Variants in LLGL2 observed in about 807,000 individuals in gnomAD.
LLGL2 encodes the protein LLGL scribble cell polarity complex component 2, also known as LLGL2, scribble cell polarity complex component.
LLGL2 carries 81 observed loss-of-function variants against 123.2 expected under a neutral mutation model. The ratio of observed to expected loss-of-function variants is 0.66; its 90% CI spans 0.55 to 0.79. LLGL2 has a LOEUF of 0.79. LLGL2 is among the 30% of genes least tolerant of loss of function. LLGL2 has a pLI of 0.00. For synonymous variants in LLGL2, 577 were observed against 594.1 expected, an observed-to-expected ratio of 0.97 and a Z score of 0.42; for missense variants, 1,273 against 1,414.6, an observed-to-expected ratio of 0.90 and a Z score of 1.61.
In LLGL2 at chr17:75,568,667, C is replaced by T. The variant is rs780363548; in HGVS notation, c.1228C>T (p.Arg410Trp). ...GGAGCGGATCATTGCCGCCGGCAGC[C>T]GGCAGAACGCACACTTCTCCACCAT... ...LWERIIAAGS[R>W]QNAHFSTMEW... The change falls in exon 11 of 26, where the codon CGG becomes TGG. Residue 410 changes from arginine (R) to tryptophan (W), a missense_variant. Transcript: ENST00000392550. The T allele has an allele frequency of 3.0e-5, 48 of 1,613,766 alleles. No individual in the cohort carries two copies. The highest frequency in any genetic ancestry group is 1.8e-4 in the South Asian group (16 of 91,090).
At chr17:75,574,394 G>A in intron 23 of LLGL2, 59 bp from the exon 24 acceptor site, 5 of 1,544,076 alleles carry the variant, frequency 3.2e-6, no homozygotes, top group Non-Finnish European at 4.4e-6. Flanking sequence ...GGGGGTGGAA[G>A]GGCTGTGGCT....
In LLGL2 at chr17:75,563,356, G is replaced by A. The variant is rs1422767452; in HGVS notation, c.719G>A (p.Arg240Gln). 5.0e-6 allele frequency: 8 copies of A among 1,612,660 alleles called. No individual in the cohort carries two copies. The highest frequency in any genetic ancestry group is 1.6e-4 in the Middle Eastern group (1 of 6,078). Residue 240 changes from arginine to glutamine, a missense_variant, in exon 8 of 26, where the codon CGG becomes CAG. Physicochemically the swap from Arg to Gln is conservative, Grantham distance 43 (BLOSUM62 1). Coordinates refer to ENST00000392550, the MANE Select transcript of LLGL2 (RefSeq NM_001031803.2). ...CAACTGGAGAACATCTGGTGGCAGC[G>A]GGACGGCCGCCTGCTCGTCAGCTGT... Reference protein sequence around the residue: ...SQQLENIWWQRDGRLLVSCHS... With the variant: ...SQQLENIWWQQDGRLLVSCHS...
chr17:75,569,865 C>A, intron 14 of LLGL2, 98 bp from the exon 15 acceptor site: 3 of 1,341,482 alleles, frequency 2.2e-6, no homozygotes, highest in Non-Finnish European at 3.0e-6. Context: ...CTTCCTTGAG[C>A]CTTGGGCCCA....
chr17:75,538,261 G>A (rs543927166), intron 1 of LLGL2, among the ~76,000 whole-genome samples: 2 of 152,184 alleles, frequency 1.3e-5, no homozygotes, highest in South Asian at 2.1e-4. Context: ...AGGAGGGAAC[G>A]GGGGGTGGGC....
At chr17:75,573,776 T>G (rs1217065496) in intron 21 of LLGL2, 145 bp downstream of exon 21, 1 of 1,209,360 alleles carries the variant, frequency 8.3e-7, no homozygotes. Context: ...TCCTTGCCTC[T>G]TTGCGTGCCC....
Position 75,564,682 on chromosome 17 carries a change from G to A in LLGL2, c.1036+175G>A, listed in dbSNP as rs1379578235. ...GTTCAAGTCCAGCCTGGACAACGTA[G>A]GGAGACCCTTGTCTCTACAAAAAAT... On this transcript the variant is annotated intron_variant, in intron 10 of 25. Coordinates refer to ENST00000392550, the MANE Select transcript of LLGL2 (RefSeq NM_001031803.2). This position sits in a 1 kb window ranked among gnomAD's most constrained non-coding sequence, Gnocchi z 4.9. 6.6e-6 allele frequency: 7 copies of A among 1,067,922 alleles called. No individual in the cohort carries two copies. Among genetic ancestry groups the A allele is most frequent in the Admixed American group, 3.0e-5 (1 of 33,888 alleles). The allele number at this position is 1,067,922 out of a possible 1,614,324, so 66.2% of individuals were successfully genotyped here. A position where few individuals can be genotyped will look rare whatever the true frequency, so the allele number is the denominator to read the frequency against.
chr17:75,569,190 G>A (rs976465131), intron 13 of LLGL2, 31 bp from the exon 14 acceptor site: 1 of 1,612,396 alleles, frequency 6.2e-7, no homozygotes, highest in African/African-American at 1.3e-5. Context: ...CTGTCCCCGT[G>A]GCTGCTCACA....
In LLGL2 at chr17:75,569,978, C is replaced by A. The variant is rs765070983; in HGVS notation, c.1597C>A (p.Leu533Met). ...CCCTGCGCAGGTGCTGGTACTGGAACTGAATGACGAGGCAGCGGAGCAGGC... is the reference window on the plus strand; with the variant it reads ...CCCTGCGCAGGTGCTGGTACTGGAAATGAATGACGAGGCAGCGGAGCAGGC... ...GTAGQVLVLE[L>M]NDEAAEQAVE... The change falls in exon 15 of 26, where the codon CTG (leucine) becomes ATG (methionine). Residue 533 changes from leucine (L) to methionine (M), a missense_variant. Leu to Met is a conservative substitution (Grantham distance 15). Transcript: ENST00000392550. The A allele has an allele frequency of 6.2e-6, 10 of 1,600,582 alleles. 2 individuals are homozygous for A. The South Asian group carries it at 1.1e-4, about 18-fold the overall frequency.
rs12451129 is a variant in LLGL2 at position 75,564,652 on chromosome 17, C to T, written c.1036+145C>T. The T allele has an allele frequency of 0.036, 49,746 of 1,376,542 alleles. 1,661 individuals are homozygous for T. The highest frequency in any genetic ancestry group is 0.14 in the East Asian group (5,427 of 40,048). 85.3% of individuals were successfully genotyped at this position (1,376,542 alleles called of 1,614,324 possible). A position where few individuals can be genotyped will look rare whatever the true frequency, so the allele number is the denominator to read the frequency against. ...CCAAGGTGGTAGGATCGCTTGAACC[C>T]AGGAGTTCAAGTCCAGCCTGGACAA... On this transcript the variant is annotated intron_variant, in intron 10 of 25. Transcript: ENST00000392550. The surrounding 1 kb of genome is among the most constrained non-coding windows in gnomAD (Gnocchi z 4.9).
intron 1 of LLGL2, among the ~76,000 whole-genome samples, chr17:75,536,039 G>A (rs924411053): frequency 2.0e-5 from 3 of 152,226 alleles, no homozygotes; most frequent in Admixed American, 6.5e-5. Flanking sequence ...TTTGCGGCCC[G>A]GCTCTAAACC....
At chr17:75,527,181 A>AAAG (rs2053604066) in intron 1 of LLGL2, among the ~76,000 whole-genome samples, 1 of 150,828 alleles carries the variant, frequency 6.6e-6, no homozygotes, top group South Asian at 2.1e-4. Context: ...AAAAAAAAAA[A>AAAG]AAAGTGGCAT....
intron 3 of LLGL2, among the ~76,000 whole-genome samples, chr17:75,557,034 C>CTTTTTTTTTTTT (rs55649536): frequency 3.6e-5 from 4 of 109,886 alleles, no homozygotes; most frequent in African/African-American, 4.7e-5. Context: ...GTCTCAAAAA[C>CTTTTTTTTTTTT]TTTTTTTTTT....
intron 6 of LLGL2, among the ~76,000 whole-genome samples, chr17:75,560,388 A>G (rs1375907664): frequency 6.6e-6 from 1 of 152,218 alleles, no homozygotes; most frequent in Non-Finnish European, 1.5e-5. Flanking sequence ...ACCAGTGCCC[A>G]GCCTCACCCT....
chr17:75,572,018 T>C lies in LLGL2; in HGVS notation c.2414T>C (p.Met805Thr). The C allele has an allele frequency of 8.1e-6, 13 of 1,612,584 alleles. No individual in the cohort carries two copies. Among genetic ancestry groups the C allele is most frequent in the Non-Finnish European group, 1.0e-5 (12 of 1,179,966 alleles). Residue 805 changes from methionine to threonine, a missense_variant, in exon 19 of 26, where the codon ATG becomes ACG. Transcript: ENST00000392550. ...CATGATCTGTCGAAGAGCCCTGACA[T>C]GCAGGGAAGCCACCAGCTGCTCGTC... Reference protein sequence around the residue: ...VAHDLSKSPDMQGSHQLLVVS... With the variant: ...VAHDLSKSPDTQGSHQLLVVS...
At position 75,553,449 on chromosome 17, in the gene LLGL2, G is replaced by A. The variant is rs182309362; in HGVS notation, c.76-2597G>A. On this transcript the variant is annotated intron_variant, in intron 2 of 25. Transcript: ENST00000392550. ...CATTGGACTAGACTGACTGATGGGG[G>A]AGGCAGGTAGCAATTGGGTTTGCTA... 5.6e-3 allele frequency among the ~76,000 whole-genome samples: 857 copies of A among 152,368 alleles called. 13 individuals are homozygous for A. The highest frequency in any genetic ancestry group is 0.028 in the Admixed American group (428 of 15,302).
chr17:75,569,143 A>T lies in LLGL2; in HGVS notation c.1476+12A>T. On this transcript the variant is annotated intron_variant, in intron 13 of 25. Coordinates refer to ENST00000392550, the MANE Select transcript of LLGL2 (RefSeq NM_001031803.2). The stretch of plus-strand genomic sequence containing the variant: ...CCCCACTCCGCAAGGTGAGGCCAGG[A>T]GCCTGGGACCCAGGAAGGGCAGAGG... The T allele has an allele frequency of 1.2e-6, 2 of 1,613,164 alleles. No homozygotes were observed. Among genetic ancestry groups the T allele is most frequent in the Non-Finnish European group, 1.7e-6 (2 of 1,179,748 alleles).
chr17:75,555,146 C>T (rs904618669), intron 2 of LLGL2, among the ~76,000 whole-genome samples: 11 of 150,984 alleles, frequency 7.3e-5, no homozygotes, highest in Non-Finnish European at 1.3e-4. Context: ...CACTGCACTC[C>T]AGCCTGGGCA....
Position 75,573,058 on chromosome 17 carries a change from G to T in LLGL2, c.2505G>T (p.Leu835=), listed in dbSNP as rs755943993. 8.1e-6 allele frequency: 13 copies of T among 1,612,594 alleles called. No homozygotes were observed. The highest frequency in any genetic ancestry group is 1.7e-4 in the Middle Eastern group (1 of 6,058). ...PKVSAKLKLK[L]TALEGSRVRR... is the part of the protein sequence containing the mutation. ...TGAGTGCCAAGCTGAAGTTGAAGCT[G>T]ACGGCCCTGGAGGGCTCAAGAGTGC... The change falls in exon 20 of 26, where the codon CTG becomes CTT. Residue 835 remains leucine (L), a synonymous_variant. Transcript: ENST00000392550.
intron 8 of LLGL2, 26 bp downstream of exon 8, chr17:75,563,489 G>A (rs746563105): frequency 1.2e-6 from 2 of 1,609,450 alleles, no homozygotes; most frequent in Non-Finnish European, 1.7e-6. Context: ...GCCGGGCAGG[G>A]CCCACCCCCA....
Sources: allele counts gnomAD v4.1 joint callset (sites outside exome capture counted in the v4.1 genomes callset), GRCh38; gene constraint gnomAD v4.1.1; non-coding constraint Gnocchi (gnomAD v3.1); transcripts MANE v1.5; gene names NCBI Gene and HGNC (gene_info 2026-07-23, HGNC 2026-07-21).